The following ING5 variants were observed in gnomAD, a reference collection of about 807,000 sequenced individuals.
The protein encoded by ING5 is inhibitor of growth protein 5.
A neutral mutation model predicts 37.4 loss-of-function variants in ING5; 17 were observed. The observed-to-expected ratio is 0.45, with a 90% CI of 0.31 to 0.68. ING5 has a LOEUF of 0.68. ING5 is among the 30% of genes least tolerant of loss of function. ING5 has a pLI of 0.05. For missense variants in ING5, 233 were observed against 311.9 expected (o/e 0.75, Z 1.91); for synonymous variants, 123 against 116.6 (o/e 1.06, Z -0.36).
intron 1 of ING5, among the ~76,000 whole-genome samples, chr2:241,703,396 G>A (rs2069803921): frequency 6.6e-6 from 1 of 152,154 alleles, no homozygotes; most frequent in African/African-American, 2.4e-5. Context: ...AGCTGTGCAG[G>A]GGGCGGAGGT....
intron 7 of ING5, chr2:241,723,993 G>T: frequency 7.5e-7 from 1 of 1,339,722 alleles, no homozygotes; most frequent in South Asian, 1.5e-5. Flanking sequence ...CTGGGCGAGA[G>T]AGCAAGACCC....
chr2:241,691,528 G>A (rs7574248), intron 2 of ING5, among the ~76,000 whole-genome samples: 56,485 of 148,442 alleles, frequency 0.38, 10,853 homozygotes, highest in Middle Eastern at 0.49. Flanking sequence ...CTTCCACCAC[G>A]CAGGGAATAA....
upstream of ING5, among the ~76,000 whole-genome samples, chr2:241,701,161 AAC>A (rs1342239565): frequency 8.6e-6 from 1 of 116,214 alleles, no homozygotes; most frequent in East Asian, 2.7e-4. Flanking sequence ...TCGGGGTTTC[AAC>A]ACGTTGGCCA....
chr2:241,693,652 CTTTTTTTT>C (rs1185556171), intron 2 of ING5, among the ~76,000 whole-genome samples: 2 of 78,538 alleles, frequency 2.5e-5, no homozygotes, highest in African/African-American at 4.9e-5. Context: ...AAATACAACT[CTTTTTTTT>C]TTTTTTTTTT....
At chr2:241,704,813 G>A in intron 2 of ING5, 89 bp downstream of exon 2, 1 of 1,094,330 alleles carries the variant, frequency 9.1e-7, no homozygotes, top group Non-Finnish European at 1.4e-6. Context: ...AGGGTTTTGA[G>A]GGGACCCAGG....
intron 5 of ING5, chr2:241,719,738 GC>G: frequency 6.8e-7 from 1 of 1,461,028 alleles, no homozygotes; most frequent in African/African-American, 1.4e-5. Context: ...CTCAGGAACA[GC>G]CAGCACCTCT....
intron 1 of ING5, among the ~76,000 whole-genome samples, chr2:241,689,325 G>T (rs949751316): frequency 6.6e-6 from 1 of 151,978 alleles, no homozygotes; most frequent in Admixed American, 6.6e-5. Flanking sequence ...TGCCAGGCCG[G>T]TCTCAAATTC....
intron 5 of ING5, among the ~76,000 whole-genome samples, chr2:241,717,009 A>C (rs2070291776): frequency 6.6e-6 from 1 of 151,542 alleles, no homozygotes; most frequent in Non-Finnish European, 1.5e-5. Flanking sequence ...GTAGATTTTA[A>C]GTGTTCTCAC....
At chr2:241,701,310 T>G (rs375530864), upstream of ING5, among the ~76,000 whole-genome samples, 5 of 115,642 alleles carry the variant, frequency 4.3e-5, no homozygotes, top group African/African-American at 1.4e-4. Context: ...TTGCACGCCA[T>G]CTTATTAACT....
chr2:241,720,974 T>G, intron 5 of ING5: 9 of 985,628 alleles, frequency 9.1e-6, no homozygotes, highest in Non-Finnish European at 1.1e-5. Context: ...CCCGGCCCTC[T>G]CCCACAGCCA....
upstream of ING5, chr2:241,701,907 G>T (rs975662796): frequency 1.1e-5 from 4 of 354,462 alleles, no homozygotes; most frequent in Non-Finnish European, 2.0e-5. Context: ...CCCGCAGCCC[G>T]CCGCCCGCCG....
At chr2:241,701,569 T>C (rs1367614812), upstream of ING5, among the ~76,000 whole-genome samples, 1 of 151,580 alleles carries the variant, frequency 6.6e-6, no homozygotes, top group Non-Finnish European at 1.5e-5. Flanking sequence ...CCCCGGGGGC[T>C]CGGGGTCCGG....
At chr2:241,699,482 C>T (rs1333921814), upstream of ING5, among the ~76,000 whole-genome samples, 1 of 152,294 alleles carries the variant, frequency 6.6e-6, no homozygotes, top group East Asian at 1.9e-4. Context: ...TTGATCATGG[C>T]TCACTGCAGC....
At chr2:241,692,605 G>A (rs939119856) in intron 2 of ING5, among the ~76,000 whole-genome samples, 72 of 152,066 alleles carry the variant, frequency 4.7e-4, no homozygotes, top group Non-Finnish European at 7.4e-5. Flanking sequence ...CCCAGCCTGA[G>A]ATTCTTTCAG....
At chr2:241,713,458 C>T (rs1368221042) in intron 5 of ING5, among the ~76,000 whole-genome samples, 2 of 149,882 alleles carry the variant, frequency 1.3e-5, no homozygotes, top group Admixed American at 1.3e-4. Context: ...GCAACCTCTG[C>T]CTCCCAGGTT....
At chr2:241,701,951 G>C, upstream of ING5, 1 of 587,484 alleles carries the variant, frequency 1.7e-6, no homozygotes, top group Admixed American at 4.7e-5. Flanking sequence ...CCGCCCCCGG[G>C]CGCGACCAAT....
At chr2:241,722,373 G>A (rs1169085960) in intron 5 of ING5, 2 of 985,248 alleles carry the variant, frequency 2.0e-6, no homozygotes. Flanking sequence ...AGATGAGAGT[G>A]GACTCGTCCC....
At chr2:241,719,171 C>T (rs1030586175) in intron 5 of ING5, among the ~76,000 whole-genome samples, 14 of 152,236 alleles carry the variant, frequency 9.2e-5, no homozygotes, top group African/African-American at 3.1e-4. Context: ...ACCAGCGGTG[C>T]CCGAGCAGAC....
chr2:241,713,058 CTTT>C (rs112809236), intron 5 of ING5, among the ~76,000 whole-genome samples: 4 of 136,450 alleles, frequency 2.9e-5, no homozygotes, highest in Non-Finnish European at 3.2e-5. Flanking sequence ...GGACAATTTT[CTTT>C]TTTTTTTTTT....
Sources: allele counts gnomAD v4.1 joint callset (sites outside exome capture counted in the v4.1 genomes callset), GRCh38; gene constraint gnomAD v4.1.1; transcripts MANE v1.5; gene names NCBI Gene and HGNC (gene_info 2026-07-23, HGNC 2026-07-21).